PRUNE2: variants seen among roughly 807,000 people sequenced by gnomAD.
PRUNE2 encodes prune homolog 2 with BCH domain, also known as protein prune homolog 2.
In PRUNE2, 164 loss-of-function variants were observed where a neutral mutation model predicts 252.0. The ratio of observed to expected loss-of-function variants is 0.65; its 90% CI spans 0.57 to 0.74. PRUNE2 has a LOEUF of 0.74. Among genes scored for constraint, PRUNE2 ranks in the 30% least tolerant of loss-of-function variants. The pLI, the probability that PRUNE2 is intolerant of heterozygous loss-of-function variation, is 0.00. For missense variants in PRUNE2, 3,495 were observed against 3,711.0 expected (o/e 0.94, Z 1.51); for synonymous variants, 1,292 against 1,350.2 (o/e 0.96, Z 0.94).
intron 1 of PRUNE2, among the ~76,000 whole-genome samples, chr9:76,883,681 C>T (rs906354920): frequency 2.8e-4 from 43 of 152,216 alleles, no homozygotes; most frequent in African/African-American, 9.2e-4. Flanking sequence ...GCCTGACTCC[C>T]TTTTTCTTGG....
chr9:76,817,197 T>C (rs2057747139), intron 6 of PRUNE2, among the ~76,000 whole-genome samples: 1 of 152,176 alleles, frequency 6.6e-6, no homozygotes. Flanking sequence ...GCTGATGACT[T>C]ACTAGTGAAC....
intron 14 of PRUNE2, among the ~76,000 whole-genome samples, 186 bp downstream of exon 14, chr9:76,637,232 C>T (rs559843951): frequency 5.3e-5 from 8 of 152,162 alleles, no homozygotes; most frequent in East Asian, 1.9e-4. Context: ...CTTTTATTCT[C>T]GTCAGTATTA....
intron 6 of PRUNE2, among the ~76,000 whole-genome samples, chr9:76,752,474 C>T (rs7851134): frequency 0.64 from 97,864 of 151,892 alleles, 32,377 homozygotes; most frequent in East Asian, 0.83. Context: ...CTTCTACAGA[C>T]GGGAAGCTCA....
At chr9:76,827,006 G>A (rs1335379969) in intron 4 of PRUNE2, among the ~76,000 whole-genome samples, 1 of 152,138 alleles carries the variant, frequency 6.6e-6, no homozygotes, top group Non-Finnish European at 1.5e-5. Context: ...AAAAAAATGT[G>A]TATATTCCCC....
chr9:76,639,145 A>G (rs1423305007), intron 12 of PRUNE2, among the ~76,000 whole-genome samples: 1 of 152,152 alleles, frequency 6.6e-6, no homozygotes, highest in Non-Finnish European at 1.5e-5. Context: ...CTCTCTTTGT[A>G]GAGAACATCT....
In PRUNE2 at chr9:76,833,483, A is replaced by C. The variant is rs144742410; in HGVS notation, c.509-6751T>G. On this transcript the variant is annotated intron_variant, in intron 4 of 18. Coordinates refer to ENST00000376718, the MANE Select transcript of PRUNE2 (RefSeq NM_015225.3). The stretch of plus-strand genomic sequence containing the variant: ...AATGGCATTTATAAAAACCAAATAC[A>C]GGCCGGGCGTGGTGGCTCATGCCTG... 2.8e-3 allele frequency among the ~76,000 whole-genome samples: 421 copies of C among 152,256 alleles called. 1 individual carries two copies. The highest frequency in any genetic ancestry group is 9.8e-3 in the African/African-American group (407 of 41,552).
chr9:76,905,274 G>T (rs1252291597), intron 1 of PRUNE2, among the ~76,000 whole-genome samples: 1 of 152,154 alleles, frequency 6.6e-6, no homozygotes, highest in Non-Finnish European at 1.5e-5. Flanking sequence ...GGTAAACATG[G>T]GCTAACACAC....
At chr9:76,677,403 T>C (rs997537883) in intron 9 of PRUNE2, among the ~76,000 whole-genome samples, 1 of 152,258 alleles carries the variant, frequency 6.6e-6, no homozygotes, top group Non-Finnish European at 1.5e-5. Flanking sequence ...AGCATCGTTT[T>C]TGATAGGATC....
intron 9 of PRUNE2, among the ~76,000 whole-genome samples, chr9:76,661,400 G>A (rs1851373449): frequency 6.6e-6 from 1 of 151,988 alleles, no homozygotes. Flanking sequence ...CTGCCACCAT[G>A]CCCAGCTAAG....
intron 6 of PRUNE2, among the ~76,000 whole-genome samples, chr9:76,714,795 C>T (rs1194079975): frequency 6.6e-6 from 1 of 152,218 alleles, no homozygotes; most frequent in East Asian, 1.9e-4. Flanking sequence ...TAGCCCCTAA[C>T]ATAATGCCTG....
At chr9:76,798,635 C>T (rs750289210) in intron 6 of PRUNE2, among the ~76,000 whole-genome samples, 9 of 148,044 alleles carry the variant, frequency 6.1e-5, no homozygotes, top group Non-Finnish European at 1.3e-4. Context: ...GAAGTGATTG[C>T]CATGAAAAAA....
At chr9:76,881,868 G>A (rs929200135) in intron 1 of PRUNE2, among the ~76,000 whole-genome samples, 28 of 151,976 alleles carry the variant, frequency 1.8e-4, no homozygotes, top group African/African-American at 5.8e-4. Flanking sequence ...TGATCTGCCC[G>A]CCTCGGCCTC....
intron 6 of PRUNE2, among the ~76,000 whole-genome samples, chr9:76,767,257 G>A (rs1166526360): frequency 6.6e-6 from 1 of 151,996 alleles, no homozygotes. Context: ...TTCAAGACCG[G>A]CCTGACCAAC....
chr9:76,838,372 T>C (rs1268159499), intron 4 of PRUNE2, among the ~76,000 whole-genome samples: 1 of 151,932 alleles, frequency 6.6e-6, no homozygotes, highest in Non-Finnish European at 1.5e-5. Flanking sequence ...AGGCTGGGCA[T>C]GGTGGCTCAT....
In PRUNE2 at chr9:76,652,526, A is replaced by G; in HGVS notation, c.8514T>C (p.Leu2838=). 6.2e-7 allele frequency: 1 copy of G among 1,613,554 alleles called. No individual in the cohort carries two copies. The highest frequency in any genetic ancestry group is 8.5e-7 in the Non-Finnish European group (1 of 1,179,552). The change falls in exon 11 of 19, where the codon CTT becomes CTC. Residue 2838 remains leucine (L), a synonymous_variant. Coordinates refer to ENST00000376718, the MANE Select transcript of PRUNE2 (RefSeq NM_015225.3). ...PDEIDINVDE[L]DTPDEADSFE... ...AAGAATCTGCTTCATCGGGGGTATC[A>G]AGTTCATCCACATTGATGTCAATTT...
At chr9:76,761,664 T>C (rs2051743306) in intron 6 of PRUNE2, among the ~76,000 whole-genome samples, 1 of 152,204 alleles carries the variant, frequency 6.6e-6, no homozygotes, top group South Asian at 2.1e-4. Flanking sequence ...GAATTTCCAT[T>C]AGAAAGTGAA....
At position 76,629,270 on chromosome 9, in the gene PRUNE2, A is replaced by G. The variant is rs779067292; in HGVS notation, c.9071T>C (p.Ile3024Thr). The G allele has an allele frequency of 3.8e-6, 6 of 1,575,708 alleles. No homozygotes were observed. The highest frequency in any genetic ancestry group is 5.2e-6 in the Non-Finnish European group (6 of 1,158,976). ...TTCTGATAAGCTATTGACATATTTAATTTTACTGCTGAATTTTGAACTAAA... is the reference window on the plus strand; with the variant it reads ...TTCTGATAAGCTATTGACATATTTAGTTTTACTGCTGAATTTTGAACTAAA... ...PFISSKFSSKIKYVNSLSELS... is the reference protein window; with the variant it reads ...PFISSKFSSKTKYVNSLSELS... The change falls in exon 16 of 19, where the codon ATT (isoleucine) becomes ACT (threonine). Residue 3024 changes from isoleucine (I) to threonine (T), a missense_variant. Physicochemically the swap from Ile to Thr is moderately conservative, Grantham distance 89. Coordinates refer to ENST00000376718, the MANE Select transcript of PRUNE2 (RefSeq NM_015225.3).
intron 4 of PRUNE2, among the ~76,000 whole-genome samples, chr9:76,837,819 T>C (rs1411281800): frequency 2.0e-5 from 3 of 150,698 alleles, no homozygotes; most frequent in South Asian, 2.1e-4. Flanking sequence ...TCGCCCAGGC[T>C]GGAGTGCAGT....
chr9:76,859,386 A>C (rs1436906179), intron 1 of PRUNE2, among the ~76,000 whole-genome samples: 1 of 152,158 alleles, frequency 6.6e-6, no homozygotes, highest in African/African-American at 2.4e-5. Flanking sequence ...AAGCACTTTC[A>C]AGCCACCCAG....
Sources: gnomAD v4.1 joint callset for allele counts (sites outside exome capture counted in the v4.1 genomes callset) on GRCh38, gnomAD v4.1.1 for gene constraint, MANE v1.5 for transcripts, NCBI Gene and HGNC (gene_info 2026-07-23, HGNC 2026-07-21) for gene names.